The following SGMS1 variants were observed in gnomAD, a reference collection of about 807,000 sequenced individuals.
SGMS1 encodes the protein phosphatidylcholine:ceramide cholinephosphotransferase 1.
Under a neutral mutation model 46.2 loss-of-function variants are expected in SGMS1, and 13 were observed. The ratio of observed to expected loss-of-function variants is 0.28; its 90% CI spans 0.18 to 0.45. The LOEUF is 0.45. Ranked by LOEUF, SGMS1 falls within the 20% of genes least tolerant of loss-of-function variation. SGMS1 has a pLI of 1.00. For synonymous variants in SGMS1, 203 were observed against 187.8 expected (o/e 1.08, Z -0.66); for missense variants, 324 against 519.9 (o/e 0.62, Z 3.66).
In SGMS1 at chr10:50,469,362, A is replaced by G. The variant is rs559020104; in HGVS notation, c.-497-2430T>C. Reference sequence around the variant, plus strand: ...AAGGTCTAGAGGGACTCTTTTTAGGATAGCTGCTAAAGCCTCTGAGAGCAC... The same window carrying G: ...AAGGTCTAGAGGGACTCTTTTTAGGGTAGCTGCTAAAGCCTCTGAGAGCAC... On this transcript the variant is annotated intron_variant, in intron 3 of 10. Coordinates refer to ENST00000361781, the MANE Select transcript of SGMS1 (RefSeq NM_147156.4). Among the ~76,000 whole-genome samples, 6 of 152,230 alleles carry G rather than the reference A, an allele frequency of 3.9e-5. No homozygotes were observed. In the South Asian group the frequency reaches 1.2e-3, roughly 32 times the overall value.
intron 1 of SGMS1, among the ~76,000 whole-genome samples, chr10:50,613,022 C>G (rs931271043): frequency 2.6e-4 from 39 of 152,144 alleles, no homozygotes; most frequent in African/African-American, 9.2e-4. Flanking sequence ...AAGTGCAGTC[C>G]CAGCTCTGAT....
At chr10:50,544,878 C>T (rs922868063) in intron 2 of SGMS1, among the ~76,000 whole-genome samples, 2 of 152,114 alleles carry the variant, frequency 1.3e-5, no homozygotes, top group East Asian at 1.9e-4. Flanking sequence ...ACGTGTGCCG[C>T]GTATTTCCAT....
Position 50,579,816 on chromosome 10 carries a change from A to AGG in SGMS1, c.-589+10335_-589+10336dup, listed in dbSNP as rs1192889358. Among the ~76,000 whole-genome samples the AGG allele has an allele frequency of 7.9e-5, 12 of 152,352 alleles. No individual in the cohort carries two copies. In the East Asian group the frequency reaches 2.3e-3, roughly 29 times the overall value. On this transcript the variant is annotated intron_variant, in intron 2 of 10. Transcript: ENST00000361781. ...GAGGGAAACTGGGAATCCAATACAT[A>AGG]GGCAAGATATAAGAAATGCCCAGAA...
chr10:50,365,146 G>C (rs1450076929), intron 6 of SGMS1, among the ~76,000 whole-genome samples: 1 of 150,670 alleles, frequency 6.6e-6, no homozygotes, highest in Non-Finnish European at 1.5e-5. Context: ...TGTAGTCCCA[G>C]CTACTCAGGA....
chr10:50,379,482 C>T (rs1486268077), intron 6 of SGMS1, among the ~76,000 whole-genome samples: 2 of 151,648 alleles, frequency 1.3e-5, no homozygotes, highest in African/African-American at 4.8e-5. Context: ...AAGCATAAAA[C>T]ATCTAGAAAC....
chr10:50,311,216 A>C (rs773159105), intron 9 of SGMS1, 46 bp downstream of exon 9: 1 of 1,591,008 alleles, frequency 6.3e-7, no homozygotes, highest in African/African-American at 1.3e-5. Flanking sequence ...AGAGTTCATG[A>C]GAAATGGCAG....
chr10:50,422,542 G>A (rs904721269), intron 6 of SGMS1, among the ~76,000 whole-genome samples: 11 of 152,072 alleles, frequency 7.2e-5, no homozygotes, highest in Non-Finnish European at 1.6e-4. Flanking sequence ...CCCCAAACAC[G>A]AATCCACTGT....
intron 2 of SGMS1, among the ~76,000 whole-genome samples, chr10:50,574,271 A>C (rs12241613): frequency 0.049 from 7,531 of 152,226 alleles, 532 homozygotes; most frequent in African/African-American, 0.16. Context: ...AACATCTATT[A>C]CATATAAAGA....
intron 2 of SGMS1, among the ~76,000 whole-genome samples, chr10:50,549,077 C>G (rs1351921928): frequency 1.3e-5 from 2 of 152,282 alleles, no homozygotes; most frequent in Admixed American, 1.3e-4. Context: ...GAAAAAGGAA[C>G]GCTTATATAC....
chr10:50,612,854 G>A lies in SGMS1; in HGVS notation c.-684+10853C>T, dbSNP rs192457834. On this transcript the variant is annotated intron_variant, in intron 1 of 10. Coordinates refer to ENST00000361781, the MANE Select transcript of SGMS1 (RefSeq NM_147156.4). ...CTCCTGAGTAGCTAGGATTACAGGCGTGCGCCTCCATGCCAGGCTAATTCT... is the reference window on the plus strand; with the variant it reads ...CTCCTGAGTAGCTAGGATTACAGGCATGCGCCTCCATGCCAGGCTAATTCT... 3.9e-3 allele frequency among the ~76,000 whole-genome samples: 591 copies of A among 152,304 alleles called. 3 individuals are homozygous for A. Among genetic ancestry groups the A allele is most frequent in the Non-Finnish European group, 4.6e-3 (313 of 68,026 alleles).
chr10:50,373,623 G>C (rs552759898), intron 6 of SGMS1, among the ~76,000 whole-genome samples: 8 of 152,132 alleles, frequency 5.3e-5, no homozygotes, highest in African/African-American at 1.9e-4. Context: ...TAAGGAACAA[G>C]GAAAAATACG....
intron 6 of SGMS1, among the ~76,000 whole-genome samples, chr10:50,353,588 G>C (rs1848066262): frequency 6.6e-6 from 1 of 152,294 alleles, no homozygotes; most frequent in Non-Finnish European, 1.5e-5. Context: ...GTTCTGGCCA[G>C]GGCAATCAGG....
At chr10:50,481,999 C>A (rs1039979608) in intron 3 of SGMS1, among the ~76,000 whole-genome samples, 1 of 152,014 alleles carries the variant, frequency 6.6e-6, no homozygotes, top group African/African-American at 2.4e-5. Flanking sequence ...ATGAACAAAA[C>A]CTTAGAGAAC....
chr10:50,498,909 T>C (rs972842965), intron 3 of SGMS1, among the ~76,000 whole-genome samples: 29 of 152,318 alleles, frequency 1.9e-4, no homozygotes, highest in African/African-American at 6.7e-4. Flanking sequence ...ATAGCATCTG[T>C]ACCATTTTAC....
chr10:50,395,779 C>A (rs192689799), intron 6 of SGMS1, among the ~76,000 whole-genome samples: 2 of 152,074 alleles, frequency 1.3e-5, no homozygotes, highest in East Asian at 3.9e-4. Flanking sequence ...TTTGATGTTC[C>A]GGCATCACTT....
At chr10:50,576,304 G>T (rs1838384758) in intron 2 of SGMS1, among the ~76,000 whole-genome samples, 1 of 152,116 alleles carries the variant, frequency 6.6e-6, no homozygotes, top group South Asian at 2.1e-4. Context: ...TCATAACTGT[G>T]ACCTCCACAC....
At chr10:50,454,050 C>CAAAAAAAAAAAAAAAAAAAAAG (rs71846628) in intron 5 of SGMS1, among the ~76,000 whole-genome samples, 1 of 98,016 alleles carries the variant, frequency 1.0e-5, no homozygotes, top group African/African-American at 3.8e-5. Context: ...TTTACATAGG[C>CAAAAAAAAAAAAAAAAAAAAAG]AAAAAAAAAA....
chr10:50,592,455 G>T (rs11006238), intron 1 of SGMS1, among the ~76,000 whole-genome samples: 2 of 151,978 alleles, frequency 1.3e-5, no homozygotes, highest in African/African-American at 4.8e-5. Context: ...ATTAAAGATG[G>T]TCTTGGGAAA....
At chr10:50,419,478 G>T (rs572611093) in intron 6 of SGMS1, among the ~76,000 whole-genome samples, 1 of 119,968 alleles carries the variant, frequency 8.3e-6, no homozygotes, top group South Asian at 2.9e-4. Flanking sequence ...CTATACAATA[G>T]AAAGTTTATT....
Sources: gnomAD v4.1 joint callset for allele counts (sites outside exome capture counted in the v4.1 genomes callset) on GRCh38, gnomAD v4.1.1 for gene constraint, MANE v1.5 for transcripts, NCBI Gene and HGNC (gene_info 2026-07-23, HGNC 2026-07-21) for gene names.